Variants in CCDC178 observed in about 807,000 individuals in gnomAD.
CCDC178 encodes the protein coiled-coil domain containing 178.
In CCDC178, 126 loss-of-function variants were observed where a neutral mutation model predicts 117.4. That is an observed-to-expected ratio of 1.07 (90% CI 0.93 to 1.24). The LOEUF is 1.24. Among genes scored for constraint, CCDC178 ranks in the 50% most tolerant of loss-of-function variants. The pLI is 0.00. For missense variants in CCDC178, 1,030 were observed against 986.9 expected (o/e 1.04, Z -0.59); for synonymous variants, 283 against 313.4 (o/e 0.90, Z 1.02).
rs114972433 is a variant in CCDC178 at position 33,062,713 on chromosome 18, T to C, written c.2388+30048A>G. The stretch of plus-strand genomic sequence containing the variant: ...TTTCAGAGAGGGAGTTTGTGCTGGG[T>C]CCCACACATTCCCCAAGGTCCAAGA... On this transcript the variant is annotated intron_variant, in intron 21 of 22. Coordinates refer to ENST00000383096, the MANE Select transcript of CCDC178 (RefSeq NM_001105528.4). 2.8e-3 allele frequency among the ~76,000 whole-genome samples: 423 copies of C among 152,066 alleles called. 3 individuals carry two copies. The highest frequency in any genetic ancestry group is 9.6e-3 in the African/African-American group (400 of 41,464).
chr18:33,425,428 C>G (rs562972736), intron 2 of CCDC178, among the ~76,000 whole-genome samples: 5 of 152,254 alleles, frequency 3.3e-5, no homozygotes, highest in African/African-American at 1.2e-4. Context: ...CTGCCTTGGC[C>G]TCAGATTCTC....
intron 20 of CCDC178, among the ~76,000 whole-genome samples, chr18:33,093,173 C>T (rs577265213): frequency 7.9e-4 from 120 of 151,870 alleles, no homozygotes; most frequent in African/African-American, 2.8e-3. Context: ...TTTAATTCAC[C>T]TCTTTTCACT....
chr18:33,410,075 A>T (rs914490975), intron 3 of CCDC178, among the ~76,000 whole-genome samples: 1 of 152,208 alleles, frequency 6.6e-6, no homozygotes, highest in Non-Finnish European at 1.5e-5. Context: ...CATGCTTAAT[A>T]TGATTGACTT....
intron 20 of CCDC178, among the ~76,000 whole-genome samples, chr18:33,168,576 TA>T (rs1012156422): frequency 2.8e-4 from 43 of 152,202 alleles, no homozygotes; most frequent in African/African-American, 9.4e-4. Flanking sequence ...AATAAATTTT[TA>T]AAATCCAAAA....
At chr18:33,211,525 T>C (rs1599005681) in intron 20 of CCDC178, among the ~76,000 whole-genome samples, 1 of 151,624 alleles carries the variant, frequency 6.6e-6, no homozygotes, top group Admixed American at 6.6e-5. Flanking sequence ...AAAAAAGTGG[T>C]TGGTAAACAT....
At chr18:33,161,860 A>G (rs1355498477) in intron 20 of CCDC178, among the ~76,000 whole-genome samples, 4 of 152,162 alleles carry the variant, frequency 2.6e-5, no homozygotes, top group Non-Finnish European at 5.9e-5. Context: ...GCTATTGTGA[A>G]TAGTGCCACA....
At chr18:33,106,196 T>C (rs1397192776) in intron 20 of CCDC178, among the ~76,000 whole-genome samples, 1 of 151,570 alleles carries the variant, frequency 6.6e-6, no homozygotes, top group African/African-American at 2.4e-5. Context: ...CCTTTCTTTG[T>C]CCTAGGTCAG....
intron 7 of CCDC178, among the ~76,000 whole-genome samples, chr18:33,350,816 T>C (rs1239897867): frequency 1.3e-5 from 2 of 152,064 alleles, no homozygotes; most frequent in Non-Finnish European, 1.5e-5. Context: ...TGATAGGTAA[T>C]TCTAGGTTTC....
intron 7 of CCDC178, 87 bp downstream of exon 7, chr18:33,356,237 C>G (rs2063054856): frequency 7.8e-7 from 1 of 1,287,402 alleles, no homozygotes; most frequent in Non-Finnish European, 1.0e-6. Flanking sequence ...TTTTCTATTC[C>G]TTTTGAAGTT....
intron 2 of CCDC178, among the ~76,000 whole-genome samples, chr18:33,412,504 C>A (rs962830880): frequency 3.9e-5 from 6 of 151,930 alleles, no homozygotes; most frequent in Admixed American, 1.3e-4. Flanking sequence ...CCTTCAGTTC[C>A]TTTTTAAAAT....
chr18:33,266,155 A>C (rs2059811124), intron 14 of CCDC178, among the ~76,000 whole-genome samples: 1 of 152,006 alleles, frequency 6.6e-6, no homozygotes, highest in Admixed American at 6.6e-5. Flanking sequence ...GTCTGAAAAG[A>C]TTAAATGGCG....
intron 14 of CCDC178, among the ~76,000 whole-genome samples, chr18:33,249,258 G>C (rs1415474942): frequency 6.6e-6 from 1 of 152,126 alleles, no homozygotes; most frequent in Non-Finnish European, 1.5e-5. Flanking sequence ...CTGTGCAGAA[G>C]CTCTTCAGTT....
chr18:33,418,867 T>C (rs2063984943), intron 2 of CCDC178, among the ~76,000 whole-genome samples: 1 of 152,204 alleles, frequency 6.6e-6, no homozygotes, highest in Non-Finnish European at 1.5e-5. Context: ...TATTCCATAG[T>C]CTTGGATTTG....
At chr18:33,144,252 T>G (rs2144312281) in intron 20 of CCDC178, among the ~76,000 whole-genome samples, 1 of 152,230 alleles carries the variant, frequency 6.6e-6, no homozygotes, top group Non-Finnish European at 1.5e-5. Context: ...GTGAACTAAT[T>G]AAAGACAATT....
At chr18:33,160,983 T>C (rs1294863884) in intron 20 of CCDC178, among the ~76,000 whole-genome samples, 1 of 152,164 alleles carries the variant, frequency 6.6e-6, no homozygotes, top group South Asian at 2.1e-4. Context: ...CCCCAAAATA[T>C]GTAACTTTGG....
At chr18:33,130,621 C>T (rs911881850) in intron 20 of CCDC178, among the ~76,000 whole-genome samples, 4 of 151,982 alleles carry the variant, frequency 2.6e-5, no homozygotes, top group African/African-American at 9.7e-5. Flanking sequence ...AGGGGGCATT[C>T]TCTTGGTAGA....
At chr18:33,403,937 GA>G (rs1341088793) in intron 3 of CCDC178, among the ~76,000 whole-genome samples, 3 of 152,166 alleles carry the variant, frequency 2.0e-5, no homozygotes, top group Non-Finnish European at 4.4e-5. Context: ...AGAAGAAGGG[GA>G]AAAGTAGTTA....
At chr18:32,949,325 T>C (rs2054425011) in intron 22 of CCDC178, among the ~76,000 whole-genome samples, 1 of 152,116 alleles carries the variant, frequency 6.6e-6, no homozygotes, top group Non-Finnish European at 1.5e-5. Flanking sequence ...ATTTTTTAAA[T>C]ATTTTTCTGT....
intron 9 of CCDC178, among the ~76,000 whole-genome samples, chr18:33,341,243 A>G (rs991909258): frequency 7.9e-5 from 12 of 152,260 alleles, no homozygotes; most frequent in African/African-American, 2.6e-4. Context: ...GTTTTGGCCA[A>G]TCTCTCACAT....
Sources: allele counts gnomAD v4.1 joint callset (sites outside exome capture counted in the v4.1 genomes callset), GRCh38; gene constraint gnomAD v4.1.1; transcripts MANE v1.5; gene names NCBI Gene and HGNC (gene_info 2026-07-23, HGNC 2026-07-21).